Variants in C2CD4C observed in about 807,000 individuals in gnomAD.
C2CD4C encodes the protein C2 calcium-dependent domain-containing protein 4C.
C2CD4C carries 3 observed loss-of-function variants against 4.1 expected under a neutral mutation model. The observed-to-expected ratio is 0.73, with a 90% CI of 0.33 to 1.88. The LOEUF is 1.88. C2CD4C is among the 40% of genes most tolerant of loss of function. The pLI is 0.08. For synonymous variants in C2CD4C, 364 were observed against 290.4 expected, an observed-to-expected ratio of 1.25 and a Z score of -2.57; for missense variants, 664 against 621.5, an observed-to-expected ratio of 1.07 and a Z score of -0.73.
At position 408,267 on chromosome 19, in the gene C2CD4C, G is replaced by T; in HGVS notation, c.95C>A (p.Ala32Asp). 3.3e-6 allele frequency: 5 copies of T among 1,510,168 alleles called. No homozygotes were observed. The highest frequency in any genetic ancestry group is 4.4e-6 in the Non-Finnish European group (5 of 1,131,540). 93.5% of individuals were successfully genotyped at this position (1,510,168 alleles called of 1,614,324 possible). A position where few individuals can be genotyped will look rare whatever the true frequency, so the allele number is the denominator to read the frequency against. ...RGVGSEAGDK[A>D]SKGPLYSNVL... ...ATTGCTGTACAGGGGCCCCTTGGAG[G>T]CCTTGTCCCCCGCCTCACTCCCCAC... The change falls in exon 2 of 2, where the codon GCC becomes GAC. Residue 32 changes from alanine (A) to aspartate (D), a missense_variant. Ala to Asp is a moderately radical substitution (Grantham distance 126). Transcript: ENST00000332235.
chr19:408,168 C>A lies in C2CD4C; in HGVS notation c.194G>T (p.Gly65Val), dbSNP rs1373532408. Residue 65 changes from glycine to valine, a missense_variant, in exon 2 of 2, where the codon GGA (glycine) becomes GTA (valine). Coordinates refer to ENST00000332235, the MANE Select transcript of C2CD4C (RefSeq NM_001136263.2). ...CGTGGAGGGGCCCAGCGCGGCCTGT[C>A]CCTCGCCCTCCGCGGGGCCCGAGGG... is the stretch of plus-strand genomic sequence containing the variant. ...KLPSGPAEGE[G>V]QAALGPSTSE... The A allele has an allele frequency of 6.9e-7, 1 of 1,452,114 alleles. No homozygotes were observed. Among genetic ancestry groups the A allele is most frequent in the East Asian group, 2.6e-5 (1 of 38,666 alleles). The allele number at this position is 1,452,114 out of a possible 1,614,324, so 90.0% of individuals were successfully genotyped here.
Position 407,537 on chromosome 19 carries a change from C to T in C2CD4C, c.825G>A (p.Gly275=). 1.4e-6 allele frequency: 2 copies of T among 1,388,956 alleles called. No individual in the cohort carries two copies. The highest frequency in any genetic ancestry group is 1.9e-6 in the Non-Finnish European group (2 of 1,072,566). 86.0% of individuals were successfully genotyped at this position (1,388,956 alleles called of 1,614,324 possible). The change falls in exon 2 of 2, where the codon GGG becomes GGA. Residue 275 remains glycine (G), a synonymous_variant. Transcript: ENST00000332235. ...CCCGGCGGGTCAGGCGGCGCCGGCTCCCGGGGCTGGCGTCCGGGGTGCTGT... is the reference window on the plus strand; with the variant it reads ...CCCGGCGGGTCAGGCGGCGCCGGCTTCCGGGGCTGGCGTCCGGGGTGCTGT... The part of the protein sequence containing the change: ...ADDSTPDASP[G]SRRRLTRRAP...
chr19:408,148 A>G lies in C2CD4C; in HGVS notation c.214T>C (p.Ser72Pro), dbSNP rs765005198. ...GAGGCCAGGTTCTGTTCCGACGTGG[A>G]GGGGCCCAGCGCGGCCTGTCCCTCG... Reference protein sequence around the residue: ...EGEGQAALGPSTSEQNLASAA... With the variant: ...EGEGQAALGPPTSEQNLASAA... The change falls in exon 2 of 2, where the codon TCC becomes CCC. Residue 72 changes from serine (S) to proline (P), a missense_variant. By Grantham distance (74) the Ser-to-Pro change is moderately conservative. Coordinates refer to ENST00000332235, the MANE Select transcript of C2CD4C (RefSeq NM_001136263.2). 1.0e-4 allele frequency: 148 copies of G among 1,454,578 alleles called. No individual in the cohort carries two copies. The highest frequency in any genetic ancestry group is 3.6e-4 in the Middle Eastern group (2 of 5,486). 90.1% of individuals were successfully genotyped at this position (1,454,578 alleles called of 1,614,324 possible).
intron 1 of C2CD4C, 134 bp from the exon 2 acceptor site, chr19:408,535 GC>G: frequency 1.6e-6 from 1 of 608,560 alleles, no homozygotes; most frequent in East Asian, 3.3e-5. Flanking sequence ...GGGGCGTCCC[GC>G]CCAGGCGCGG....
In C2CD4C at chr19:407,015, AC is replaced by A; in HGVS notation, c.*80del. 1.4e-6 allele frequency: 1 copy of A among 738,834 alleles called. No homozygotes were observed. Among genetic ancestry groups the A allele is most frequent in the Non-Finnish European group, 2.0e-6 (1 of 502,044 alleles). The allele number at this position is 738,834 out of a possible 1,614,324, so 45.8% of individuals were successfully genotyped here. A position where few individuals can be genotyped will look rare whatever the true frequency, so the allele number is the denominator to read the frequency against. On this transcript the variant is annotated 3_prime_UTR_variant, in exon 2 of 2. Coordinates refer to ENST00000332235, the MANE Select transcript of C2CD4C (RefSeq NM_001136263.2). ...GGCCAGCCCCAGCCCAAGCCAGCGGACCCGCCCGCCAGCACCCGGTGTGGAG... is the reference window on the plus strand; with the variant it reads ...GGCCAGCCCCAGCCCAAGCCAGCGGACCGCCCGCCAGCACCCGGTGTGGAG...
Position 405,737 on chromosome 19 carries a change from A to C in C2CD4C, c.*1359T>G, listed in dbSNP as rs949777333. On this transcript the variant is annotated 3_prime_UTR_variant, in exon 2 of 2. Transcript: ENST00000332235. ...GGAGAGAGCGGAGCCCTGCAACACCAGGCTCAGAAGGGGCCTGCACTCTCC... is the reference window on the plus strand; with the variant it reads ...GGAGAGAGCGGAGCCCTGCAACACCCGGCTCAGAAGGGGCCTGCACTCTCC... The C allele has an allele frequency of 1.3e-5, 2 of 152,140 alleles. No individual in the cohort carries two copies. The highest frequency in any genetic ancestry group is 2.4e-5 in the African/African-American group (1 of 41,408). 9.4% of individuals were successfully genotyped at this position (152,140 alleles called of 1,614,324 possible).
intron 1 of C2CD4C, 65 bp from the exon 2 acceptor site, chr19:408,466 T>G: frequency 3.1e-5 from 14 of 458,068 alleles, no homozygotes; most frequent in Non-Finnish European, 4.1e-5. Flanking sequence ...GGGCACCTGC[T>G]CCCTGTGGGG....
At position 408,313 on chromosome 19, in the gene C2CD4C, C is replaced by T. The variant is rs1189077275; in HGVS notation, c.49G>A (p.Glu17Lys). The change falls in exon 2 of 2, where the codon GAA (glutamate) becomes AAA (lysine). Residue 17 changes from glutamate (E) to lysine (K), a missense_variant. Physicochemically the swap from Glu to Lys is moderately conservative, Grantham distance 56 (BLOSUM62 1). Transcript: ENST00000332235. ...WFLERLRGSG[E>K]NGAARGVGSE... is the part of the protein sequence containing the mutation. ...CCCACGCCCCGGGCAGCACCGTTTT[C>T]CCCAGACCCCCGAAGCCGCTCCAAG... 1 of 1,547,406 alleles carries T rather than the reference C, an allele frequency of 6.5e-7. No homozygotes were observed. The highest frequency in any genetic ancestry group is 2.5e-5 in the East Asian group (1 of 40,626).
chr19:406,879 G>A lies in C2CD4C; in HGVS notation c.*217C>T, dbSNP rs145480797. The stretch of plus-strand genomic sequence containing the variant: ...TCCTCCTCCTCCTCCTCCTCCAAAG[G>A]AGAAATTAATTCATGAAAAATAATA... On this transcript the variant is annotated 3_prime_UTR_variant, in exon 2 of 2. Coordinates refer to ENST00000332235, the MANE Select transcript of C2CD4C (RefSeq NM_001136263.2). 4.3e-5 allele frequency: 23 copies of A among 537,146 alleles called. No homozygotes were observed. The African/African-American group carries it at 4.4e-4, about 10-fold the overall frequency. The allele number at this position is 537,146 out of a possible 1,614,324, so 33.3% of individuals were successfully genotyped here.
At chr19:408,628 G>A (rs1357227570) in intron 1 of C2CD4C, among the ~76,000 whole-genome samples, 1 of 152,202 alleles carries the variant, frequency 6.6e-6, no homozygotes, top group African/African-American at 2.4e-5. Flanking sequence ...CAAGCCCAGG[G>A]GCGTGGGGGC....
Position 405,757 on chromosome 19 carries a change from C to T in C2CD4C, c.*1339G>A, listed in dbSNP as rs2145671754. On this transcript the variant is annotated 3_prime_UTR_variant, in exon 2 of 2. Coordinates refer to ENST00000332235, the MANE Select transcript of C2CD4C (RefSeq NM_001136263.2). ...ACACCAGGCTCAGAAGGGGCCTGCA[C>T]TCTCCCTCTGGAGGGCTCACAGGTG... is the stretch of plus-strand genomic sequence containing the variant. 1.3e-5 allele frequency: 2 copies of T among 152,354 alleles called. 1 individual carries two copies. The highest frequency in any genetic ancestry group is 6.8e-3 in the Middle Eastern group (2 of 294). 9.4% of individuals were successfully genotyped at this position (152,354 alleles called of 1,614,324 possible).
chr19:408,067 C>A lies in C2CD4C; in HGVS notation c.295G>T (p.Glu99Ter). The A allele has an allele frequency of 6.6e-7, 1 of 1,512,278 alleles. No homozygotes were observed. Among genetic ancestry groups the A allele is most frequent in the South Asian group, 1.3e-5 (1 of 78,694 alleles). The allele number at this position is 1,512,278 out of a possible 1,614,324, so 93.7% of individuals were successfully genotyped here. A position where few individuals can be genotyped will look rare whatever the true frequency, so the allele number is the denominator to read the frequency against. ...SPRLPAKLAA[E>*]SKSLLKAATR... Reference sequence around the variant, plus strand: ...GCTGCCTTCAGCAGGCTCTTGCTCTCGGCTGCCAGCTTGGCAGGCAGCCGG... The same window carrying A: ...GCTGCCTTCAGCAGGCTCTTGCTCTAGGCTGCCAGCTTGGCAGGCAGCCGG... Residue 99 changes from glutamate to a stop codon, truncating the protein, a stop_gained, in exon 2 of 2, where the codon GAG becomes TAG. Transcript: ENST00000332235. LOFTEE classifies it low-confidence loss of function (END_TRUNC).
rs1974028291 is a variant in C2CD4C at position 408,206 on chromosome 19, G to T, written c.156C>A (p.Ile52=). 2.1e-6 allele frequency: 3 copies of T among 1,460,966 alleles called. No individual in the cohort carries two copies. Among genetic ancestry groups the T allele is most frequent in the South Asian group, 1.4e-5 (1 of 69,530 alleles). The allele number at this position is 1,460,966 out of a possible 1,614,324, so 90.5% of individuals were successfully genotyped here. A position where few individuals can be genotyped will look rare whatever the true frequency, so the allele number is the denominator to read the frequency against. ...CGGGGCCCGAGGGCAGCTTGGGGGG[G>T]ATGAAAAAGTCGGGGATCTTGTCGG... is the stretch of plus-strand genomic sequence containing the variant. ...LTPDKIPDFF[I]PPKLPSGPAE... The change falls in exon 2 of 2, where the codon ATC becomes ATA. Residue 52 remains isoleucine (I), a synonymous_variant. Transcript: ENST00000332235.
At position 405,641 on chromosome 19, in the gene C2CD4C, T is replaced by C. The variant is rs955595404; in HGVS notation, c.*1455A>G. The C allele has an allele frequency of 1.3e-5, 2 of 152,084 alleles. No homozygotes were observed. The highest frequency in any genetic ancestry group is 2.9e-5 in the Non-Finnish European group (2 of 68,010). The allele number at this position is 152,084 out of a possible 1,614,324, so 9.4% of individuals were successfully genotyped here. A position where few individuals can be genotyped will look rare whatever the true frequency, so the allele number is the denominator to read the frequency against. On this transcript the variant is annotated 3_prime_UTR_variant, in exon 2 of 2. Transcript: ENST00000332235. ...AGAGAAGGCGGGGAGCGCCGGCGTCTCTCTCCATGCAGGGCACCCTCCCCG... is the reference window on the plus strand; with the variant it reads ...AGAGAAGGCGGGGAGCGCCGGCGTCCCTCTCCATGCAGGGCACCCTCCCCG...
rs1196171893 is a variant in C2CD4C at position 407,445 on chromosome 19, C to A, written c.917G>T (p.Arg306Leu). 2 of 1,472,312 alleles carry A rather than the reference C, an allele frequency of 1.4e-6. No homozygotes were observed. The highest frequency in any genetic ancestry group is 1.8e-6 in the Non-Finnish European group (2 of 1,118,082). 91.2% of individuals were successfully genotyped at this position (1,472,312 alleles called of 1,614,324 possible). ...RGEHTVHVGP[R>L]GSVRLLAEYE... is the part of the protein sequence containing the mutation. ...CTCGGCCAGCAGCCGCACGCTGCCC[C>A]GAGGGCCCACGTGGACCGTGTGCTC... is the stretch of plus-strand genomic sequence containing the variant. Residue 306 changes from arginine to leucine, a missense_variant, in exon 2 of 2, where the codon CGG becomes CTG. Transcript: ENST00000332235.
rs1439648569 is a variant in C2CD4C at position 407,945 on chromosome 19, G to A, written c.417C>T (p.Pro139=). The A allele has an allele frequency of 3.2e-6, 5 of 1,548,746 alleles. No individual in the cohort carries two copies. In the South Asian group the frequency reaches 3.6e-5, roughly 11 times the overall value. Residue 139 remains proline, a synonymous_variant, in exon 2 of 2, where the codon CCC becomes CCT. Coordinates refer to ENST00000332235, the MANE Select transcript of C2CD4C (RefSeq NM_001136263.2). ...DPQAQGAMSL[P]SVPKAQTSYG... is the part of the protein sequence containing the mutation. Reference sequence around the variant, plus strand: ...AGGACGTCTGGGCCTTGGGCACCGAGGGCAGGGACATGGCACCCTGGGCCT... The same window carrying A: ...AGGACGTCTGGGCCTTGGGCACCGAAGGCAGGGACATGGCACCCTGGGCCT...
At position 407,113 on chromosome 19, in the gene C2CD4C, G is replaced by A. The variant is rs1974003408; in HGVS notation, c.1249C>T (p.Leu417=). The A allele has an allele frequency of 6.5e-7, 1 of 1,549,090 alleles. No individual in the cohort carries two copies. The highest frequency in any genetic ancestry group is 8.7e-7 in the Non-Finnish European group (1 of 1,146,254). Residue 417 remains leucine (L), a synonymous_variant, in exon 2 of 2, where the codon CTG becomes TTG. Coordinates refer to ENST00000332235, the MANE Select transcript of C2CD4C (RefSeq NM_001136263.2). ...LGEKELPLTS[L]LPFL ...TCCCCGCTCTACAGGAAGGGGAGCA[G>A]GGAGGTCAGGGGCAGCTCCTTCTCC...
Position 407,494 on chromosome 19 carries a change from G to A in C2CD4C, c.868C>T (p.Pro290Ser), listed in dbSNP as rs1355790443. ...LTRRAPPEPG[P>S]ESGQARGEHT... Reference sequence around the variant, plus strand: ...TCCCCACGCGCCTGGCCCGACTCGGGGCCAGGTTCCGGGGGTGCCCGGCGG... The same window carrying A: ...TCCCCACGCGCCTGGCCCGACTCGGAGCCAGGTTCCGGGGGTGCCCGGCGG... Residue 290 changes from proline to serine, a missense_variant, in exon 2 of 2, where the codon CCC (proline) becomes TCC (serine). Pro to Ser is a moderately conservative substitution (Grantham distance 74, BLOSUM62 -1). Transcript: ENST00000332235. 7.2e-7 allele frequency: 1 copy of A among 1,380,508 alleles called. No individual in the cohort carries two copies. Among genetic ancestry groups the A allele is most frequent in the Non-Finnish European group, 9.3e-7 (1 of 1,071,056 alleles). The allele number at this position is 1,380,508 out of a possible 1,614,324, so 85.5% of individuals were successfully genotyped here.
In C2CD4C at chr19:407,040, A is replaced by G. The variant is rs1322531444; in HGVS notation, c.*56T>C. ...ACCCGCCCGCCAGCACCCGGTGTGG[A>G]GGAGAGACCGGGGTCTGCCCTCTGC... On this transcript the variant is annotated 3_prime_UTR_variant, in exon 2 of 2. Transcript: ENST00000332235. The G allele has an allele frequency of 3.0e-5, 36 of 1,215,216 alleles. 1 individual carries two copies. Among genetic ancestry groups the G allele is most frequent in the South Asian group, 5.8e-5 (4 of 68,772 alleles). 75.3% of individuals were successfully genotyped at this position (1,215,216 alleles called of 1,614,324 possible).
Sources: gnomAD v4.1 joint callset for allele counts (sites outside exome capture counted in the v4.1 genomes callset) on GRCh38, gnomAD v4.1.1 for gene constraint, MANE v1.5 for transcripts, NCBI Gene and HGNC (gene_info 2026-07-23, HGNC 2026-07-21) for gene names.